Variants in ANKRD12 observed in about 807,000 individuals in gnomAD.
ANKRD12 encodes the protein ankyrin repeat domain 12, also known as ankyrin repeat domain-containing protein 12.
A neutral mutation model predicts 183.4 loss-of-function variants in ANKRD12; 85 were observed. That is an observed-to-expected ratio of 0.46 (90% CI 0.39 to 0.56). The LOEUF is 0.56. Ranked by LOEUF, ANKRD12 falls within the 20% of genes least tolerant of loss-of-function variation. The pLI is 0.00. For synonymous variants in ANKRD12, 914 were observed against 800.2 expected, an observed-to-expected ratio of 1.14 and a Z score of -2.40; for missense variants, 2,405 against 2,357.1, an observed-to-expected ratio of 1.02 and a Z score of -0.42.
intron 1 of ANKRD12, among the ~76,000 whole-genome samples, chr18:9,178,731 G>A (rs939379403): frequency 2.6e-5 from 4 of 152,132 alleles, no homozygotes; most frequent in Non-Finnish European, 5.9e-5. Flanking sequence ...AATTTATAGA[G>A]CAATTTGGAG....
chr18:9,201,427 T>C (rs1470631961), intron 3 of ANKRD12, among the ~76,000 whole-genome samples: 1 of 152,234 alleles, frequency 6.6e-6, no homozygotes, highest in Non-Finnish European at 1.5e-5. Context: ...AAACTTAATT[T>C]ACAATTCTTT....
chr18:9,225,522 G>T (rs527556347), intron 8 of ANKRD12, among the ~76,000 whole-genome samples: 2 of 149,548 alleles, frequency 1.3e-5, no homozygotes, highest in Non-Finnish European at 3.0e-5. Flanking sequence ...GATAACATAC[G>T]TATTAATGTA....
intron 8 of ANKRD12, among the ~76,000 whole-genome samples, chr18:9,234,478 C>T (rs372396031): frequency 4.9e-4 from 74 of 152,224 alleles, no homozygotes; most frequent in African/African-American, 1.7e-3. Context: ...CCAGGGGCTT[C>T]GTTTTTGGTA....
At chr18:9,195,368 A>G (rs73392395) in intron 2 of ANKRD12, among the ~76,000 whole-genome samples, 183 bp from the exon 3 acceptor site, 2,127 of 152,312 alleles carry the variant, frequency 0.014, 58 homozygotes, top group African/African-American at 0.048. Context: ...GTTATTAAAT[A>G]AGAGTAGGGA....
At chr18:9,226,910 C>A (rs1008490378) in intron 8 of ANKRD12, among the ~76,000 whole-genome samples, 2 of 152,026 alleles carry the variant, frequency 1.3e-5, no homozygotes, top group Non-Finnish European at 2.9e-5. Flanking sequence ...TAGAAATATG[C>A]CAGATTATCC....
intron 8 of ANKRD12, among the ~76,000 whole-genome samples, chr18:9,240,634 G>A (rs1231471667): frequency 1.3e-5 from 2 of 152,164 alleles, no homozygotes; most frequent in Non-Finnish European, 2.9e-5. Context: ...TGTCAAAAGA[G>A]CTATTCACCA....
intron 11 of ANKRD12, among the ~76,000 whole-genome samples, chr18:9,277,321 CTT>C (rs773999861): frequency 7.1e-5 from 6 of 84,640 alleles, no homozygotes; most frequent in Non-Finnish European, 6.8e-5. Flanking sequence ...CACCCTGTTT[CTT>C]TTTTTTTTTT....
At chr18:9,191,332 C>T (rs181736966) in intron 2 of ANKRD12, among the ~76,000 whole-genome samples, 8 of 152,196 alleles carry the variant, frequency 5.3e-5, no homozygotes, top group Non-Finnish European at 1.2e-4. Flanking sequence ...GAAAAGAAAC[C>T]CTTTGTTCAA....
intron 9 of ANKRD12, among the ~76,000 whole-genome samples, chr18:9,262,222 A>G (rs894375720): frequency 2.6e-5 from 4 of 152,240 alleles, no homozygotes; most frequent in Non-Finnish European, 5.9e-5. Flanking sequence ...CTGTGGCACT[A>G]CATCAAGAAG....
rs759973358 is a variant in ANKRD12 at position 9,256,295 on chromosome 18, A to T, written c.3028A>T (p.Lys1010Ter). The T allele has an allele frequency of 6.2e-7, 1 of 1,604,422 alleles. No homozygotes were observed. The highest frequency in any genetic ancestry group is 1.7e-5 in the Admixed American group (1 of 58,072). ...LKEKTKDEPL[K>*]TPDGKEKDKK... ...AGAAAAAACAAAAGATGAACCTTTG[A>T]AAACTCCAGATGGAAAAGAAAAAGA... The change falls in exon 9 of 13, where the codon AAA (lysine) becomes TAA (stop). Residue 1010 changes from lysine (K) to a stop codon, truncating the protein, a stop_gained. Transcript: ENST00000262126. LOFTEE classifies it high-confidence loss of function.
chr18:9,151,561 C>G (rs2078686827), intron 1 of ANKRD12, among the ~76,000 whole-genome samples: 1 of 152,132 alleles, frequency 6.6e-6, no homozygotes, highest in Non-Finnish European at 1.5e-5. Flanking sequence ...CCTCACGCTC[C>G]CAGATCACAC....
At chr18:9,216,261 C>T (rs1464268065) in intron 6 of ANKRD12, among the ~76,000 whole-genome samples, 1 of 152,100 alleles carries the variant, frequency 6.6e-6, no homozygotes, top group Admixed American at 6.5e-5. Context: ...CCCCTTCTCC[C>T]TTCTCTTCAG....
chr18:9,141,679 T>A (rs1186961581), intron 1 of ANKRD12, among the ~76,000 whole-genome samples: 1 of 152,196 alleles, frequency 6.6e-6, no homozygotes, highest in Non-Finnish European at 1.5e-5. Context: ...AATTGTGTCA[T>A]CTTTGGCCAA....
At chr18:9,239,582 G>T in intron 8 of ANKRD12, 1 of 1,216,878 alleles carries the variant, frequency 8.2e-7, no homozygotes, top group Non-Finnish European at 1.1e-6. Context: ...AGATTTTGGA[G>T]TTGCTGAAAA....
At chr18:9,145,463 T>C (rs1204317128) in intron 1 of ANKRD12, among the ~76,000 whole-genome samples, 1 of 152,232 alleles carries the variant, frequency 6.6e-6, no homozygotes, top group Non-Finnish European at 1.5e-5. Flanking sequence ...AATACACACA[T>C]AATCACATAG....
At chr18:9,221,693 G>A (rs2036429230) in intron 7 of ANKRD12, among the ~76,000 whole-genome samples, 159 bp from the exon 8 acceptor site, 1 of 152,138 alleles carries the variant, frequency 6.6e-6, no homozygotes, top group African/African-American at 2.4e-5. Flanking sequence ...CAGTGAAAAT[G>A]GATCTTGAAG....
chr18:9,245,583 G>A (rs531278354), intron 8 of ANKRD12, among the ~76,000 whole-genome samples: 3 of 152,202 alleles, frequency 2.0e-5, no homozygotes, highest in East Asian at 1.9e-4. Context: ...TGTCTGAGTC[G>A]TGAATATCTC....
intron 1 of ANKRD12, among the ~76,000 whole-genome samples, chr18:9,144,789 A>T (rs2078437531): frequency 6.6e-6 from 1 of 152,308 alleles, no homozygotes; most frequent in South Asian, 2.1e-4. Context: ...TTCAAAGATG[A>T]TGATATTAAA....
chr18:9,258,729 A>AT lies in ANKRD12; in HGVS notation c.5462_5463insT (p.Lys1821AsnfsTer4). ...CTGGCAGCCATTGTAGATTCTCTAAAACTAGATGAGATTCAGCCATACAGT... is the reference window on the plus strand; with the variant it reads ...CTGGCAGCCATTGTAGATTCTCTAAATACTAGATGAGATTCAGCCATACAGT... On this transcript the variant is annotated frameshift_variant, in exon 9 of 13. Transcript: ENST00000262126. LOFTEE classifies it high-confidence loss of function. 6.2e-7 allele frequency: 1 copy of AT among 1,613,900 alleles called. No individual in the cohort carries two copies. The highest frequency in any genetic ancestry group is 8.5e-7 in the Non-Finnish European group (1 of 1,179,906).
Sources: gnomAD v4.1 joint callset for allele counts (sites outside exome capture counted in the v4.1 genomes callset) on GRCh38, gnomAD v4.1.1 for gene constraint, MANE v1.5 for transcripts, NCBI Gene and HGNC (gene_info 2026-07-23, HGNC 2026-07-21) for gene names.